Variants in SLC71A2 observed in about 807,000 individuals in gnomAD.
The protein encoded by SLC71A2 is solute carrier family 71 member 2.
At chr9:94,422,630 T>A in the SLC71A2 span, among the ~76,000 whole-genome samples, 1 of 152,102 alleles carries the variant, frequency 6.6e-6, no homozygotes, top group Admixed American at 6.6e-5. Flanking sequence ...AGACTCCATG[T>A]CTTCACCAGC....
the SLC71A2 span, among the ~76,000 whole-genome samples, chr9:94,381,800 G>A: frequency 7.9e-5 from 12 of 152,196 alleles, no homozygotes; most frequent in African/African-American, 2.6e-4. Flanking sequence ...GTAAGACTCC[G>A]TCTTTAAAAA....
At chr9:94,460,252 GAGTT>G in the SLC71A2 span, 6 of 152,612 alleles carry the variant, frequency 3.9e-5, no homozygotes, top group African/African-American at 9.7e-5. Flanking sequence ...AGTAGGATGA[GAGTT>G]AGTAACTGGA....
the SLC71A2 span, among the ~76,000 whole-genome samples, chr9:94,408,352 T>C: frequency 2.0e-5 from 3 of 152,184 alleles, no homozygotes; most frequent in Admixed American, 2.0e-4. Flanking sequence ...TTGGTACTTT[T>C]CGAGGCATCC....
At chr9:94,434,114 T>A in the SLC71A2 span, among the ~76,000 whole-genome samples, 2 of 152,056 alleles carry the variant, frequency 1.3e-5, no homozygotes. Flanking sequence ...AAGAAAAAAT[T>A]GTGAAATAAC....
chr9:94,397,837 A>AT, the SLC71A2 span, among the ~76,000 whole-genome samples: 1 of 152,230 alleles, frequency 6.6e-6, no homozygotes, highest in Non-Finnish European at 1.5e-5. Context: ...TCATTATATC[A>AT]TATCAACAGT....
the SLC71A2 span, among the ~76,000 whole-genome samples, chr9:94,424,943 G>A: frequency 1.3e-5 from 2 of 150,652 alleles, no homozygotes; most frequent in South Asian, 2.1e-4. Context: ...GGGTTTCAGC[G>A]AGGCTGGTCT....
the SLC71A2 span, among the ~76,000 whole-genome samples, chr9:94,440,546 A>G: frequency 6.6e-6 from 1 of 152,070 alleles, no homozygotes; most frequent in East Asian, 1.9e-4. Context: ...TAAAAAAAGC[A>G]TCTATCACAT....
the SLC71A2 span, among the ~76,000 whole-genome samples, chr9:94,449,689 A>G: frequency 6.6e-6 from 1 of 152,260 alleles, no homozygotes; most frequent in African/African-American, 2.4e-5. Flanking sequence ...TTCAACATAT[A>G]GTTACCATAT....
chr9:94,440,839 A>T, the SLC71A2 span: 3 of 423,422 alleles, frequency 7.1e-6, no homozygotes, highest in South Asian at 5.5e-5. Context: ...CTTAACTTAA[A>T]TTTTTTTTGA....
the SLC71A2 span, among the ~76,000 whole-genome samples, chr9:94,455,837 G>A: frequency 4.6e-5 from 7 of 152,260 alleles, no homozygotes; most frequent in South Asian, 1.5e-3. Context: ...TAGCTCGAGG[G>A]CAGTGTGAAA....
the SLC71A2 span, among the ~76,000 whole-genome samples, chr9:94,455,973 C>A: frequency 6.6e-6 from 1 of 152,032 alleles, no homozygotes; most frequent in Non-Finnish European, 1.5e-5. Context: ...AGTAGGGAGA[C>A]CAGGGAGAAG....
At chr9:94,385,455 T>C in the SLC71A2 span, among the ~76,000 whole-genome samples, 2 of 152,248 alleles carry the variant, frequency 1.3e-5, no homozygotes, top group Non-Finnish European at 2.9e-5. Flanking sequence ...TAGCGTCATA[T>C]ATAAGAATCT....
At chr9:94,456,406 C>T in the SLC71A2 span, 49 of 1,229,350 alleles carry the variant, frequency 4.0e-5, no homozygotes, top group Non-Finnish European at 5.3e-5. Flanking sequence ...GCAGGAGCAG[C>T]TCTGAGTTCT....
At chr9:94,446,508 A>G in the SLC71A2 span, among the ~76,000 whole-genome samples, 7 of 152,212 alleles carry the variant, frequency 4.6e-5, no homozygotes, top group African/African-American at 1.7e-4. Context: ...CTGTAGGAAT[A>G]TATTTCCAGG....
the SLC71A2 span, chr9:94,374,921 C>T: frequency 7.1e-6 from 9 of 1,268,964 alleles, no homozygotes; most frequent in Non-Finnish European, 8.9e-6. Flanking sequence ...CCGCGGGGAG[C>T]ACCTGGGTGA....
At chr9:94,440,199 G>T in the SLC71A2 span, among the ~76,000 whole-genome samples, 9 of 151,754 alleles carry the variant, frequency 5.9e-5, no homozygotes, top group African/African-American at 2.2e-4. Context: ...TGTCGCCCAG[G>T]CTGGAGTGCA....
At chr9:94,455,378 A>ATTTTTTTTTTTTTTT in the SLC71A2 span, among the ~76,000 whole-genome samples, 162 of 85,766 alleles carry the variant, frequency 1.9e-3, 6 homozygotes, top group South Asian at 4.0e-3. Context: ...TAATATTCTG[A>ATTTTTTTTTTTTTTT]TTTTTTTTTT....
the SLC71A2 span, among the ~76,000 whole-genome samples, chr9:94,396,610 G>A: frequency 1.3e-5 from 2 of 151,922 alleles, no homozygotes; most frequent in Admixed American, 6.6e-5. Context: ...GGTTTTTTTG[G>A]CCATATGTTA....
At chr9:94,423,508 G>A in the SLC71A2 span, among the ~76,000 whole-genome samples, 1 of 152,004 alleles carries the variant, frequency 6.6e-6, no homozygotes, top group Non-Finnish European at 1.5e-5. Flanking sequence ...ATGGTTACTT[G>A]CCAGCAACAT....
Sources: allele counts gnomAD v4.1 joint callset (sites outside exome capture counted in the v4.1 genomes callset), GRCh38; gene constraint gnomAD v4.1.1; transcripts MANE v1.5; gene names NCBI Gene and HGNC (gene_info 2026-07-23, HGNC 2026-07-21).